The following TNFRSF10A variants were observed in gnomAD, a reference collection of about 807,000 sequenced individuals.
The protein encoded by TNFRSF10A is TNF receptor superfamily member 10a, also known as tumor necrosis factor receptor superfamily member 10A.
A neutral mutation model predicts 42.8 loss-of-function variants in TNFRSF10A; 44 were observed. That is an observed-to-expected ratio of 1.03 (90% CI 0.81 to 1.32). The LOEUF is 1.32. Ranked by LOEUF, TNFRSF10A falls within the 40% of genes most tolerant of loss-of-function variation. The pLI is 0.00. For missense variants in TNFRSF10A, 680 were observed against 602.0 expected (o/e 1.13, Z -1.36); for synonymous variants, 259 against 234.2 (o/e 1.11, Z -0.97).
intron 1 of TNFRSF10A, among the ~76,000 whole-genome samples, chr8:23,215,944 G>A (rs1427131996): frequency 6.6e-6 from 1 of 151,848 alleles, no homozygotes; most frequent in African/African-American, 2.4e-5. Context: ...TCAGCCTCCG[G>A]AGTAGCTGGG....
intron 2 of TNFRSF10A, among the ~76,000 whole-genome samples, chr8:23,206,632 T>C (rs1801016861): frequency 6.6e-6 from 1 of 152,318 alleles, no homozygotes; most frequent in African/African-American, 2.4e-5. Flanking sequence ...GATGCACTTG[T>C]CAGAATGAGT....
intron 9 of TNFRSF10A, among the ~76,000 whole-genome samples, chr8:23,193,130 C>A (rs976438023): frequency 6.6e-6 from 1 of 152,186 alleles, no homozygotes; most frequent in Non-Finnish European, 1.5e-5. Context: ...GCCTTCTTGG[C>A]AATACTCATC....
Position 23,212,191 on chromosome 8 carries a change from T to C in TNFRSF10A, c.328A>G (p.Thr110Ala), listed in dbSNP as rs188027515. 2 of 1,613,692 alleles carry C rather than the reference T, an allele frequency of 1.2e-6. No homozygotes were observed. Among genetic ancestry groups the C allele is most frequent in the African/African-American group, 1.3e-5 (1 of 75,034 alleles). Reference protein sequence around the residue: ...LLQVVPSSAATIKLHDQSIGT... With the variant: ...LLQVVPSSAAAIKLHDQSIGT... The stretch of plus-strand genomic sequence containing the variant: ...ATTGATTGATCATGAAGTTTGATGG[T>C]TGCAGCTGAGCTAGGTACGACCTGT... Residue 110 changes from threonine (T) to alanine (A), a missense_variant, in exon 2 of 10, where the codon ACC becomes GCC. Physicochemically the swap from Thr to Ala is moderately conservative, Grantham distance 58 (BLOSUM62 0). Coordinates refer to ENST00000221132, the MANE Select transcript of TNFRSF10A (RefSeq NM_003844.4).
At chr8:23,196,898 G>A (rs568688533) in intron 9 of TNFRSF10A, among the ~76,000 whole-genome samples, 9 of 152,252 alleles carry the variant, frequency 5.9e-5, no homozygotes, top group Admixed American at 4.6e-4. Context: ...AGAGGAGGTG[G>A]AGAAGAGGAT....
intron 2 of TNFRSF10A, among the ~76,000 whole-genome samples, chr8:23,208,072 T>C (rs751599297): frequency 3.9e-5 from 6 of 152,170 alleles, no homozygotes; most frequent in Non-Finnish European, 7.3e-5. Context: ...TGGAACTTCC[T>C]AGAGACTTGT....
In TNFRSF10A at chr8:23,199,434, G is replaced by C. The variant is rs1563378290; in HGVS notation, c.846C>G (p.Arg282=). The change falls in exon 8 of 10, where the codon CGC becomes CGG. Residue 282 remains arginine (R), a synonymous_variant. Coordinates refer to ENST00000221132, the MANE Select transcript of TNFRSF10A (RefSeq NM_003844.4). ...PKCMDRVCFW[R]LGLLRGPGAE... ...CCCCAGGCCCTCGTAGGAGACCCAAGCGCCAGAAACACACCTTAGGAAGGC... is the reference window on the plus strand; with the variant it reads ...CCCCAGGCCCTCGTAGGAGACCCAACCGCCAGAAACACACCTTAGGAAGGC... 1.9e-6 allele frequency: 3 copies of C among 1,612,104 alleles called. No homozygotes were observed. The highest frequency in any genetic ancestry group is 1.7e-4 in the Middle Eastern group (1 of 6,058).
chr8:23,222,193 G>T (rs1037292692), intron 1 of TNFRSF10A, among the ~76,000 whole-genome samples: 2 of 152,102 alleles, frequency 1.3e-5, no homozygotes, highest in South Asian at 4.2e-4. Flanking sequence ...TTGTATTCTT[G>T]GTGTGAGAGT....
Position 23,191,840 on chromosome 8 carries a change from G to A in TNFRSF10A, c.1261C>T (p.Arg421Trp), listed in dbSNP as rs773006381. ...AGCAGGGTGTGGATCGAGGCGTTCC[G>A]TCCAGTTTTGTTGACCCATTTCATC... ...MLMKWVNKTG[R>W]NASIHTLLDA... is the part of the protein sequence containing the mutation. The change falls in exon 10 of 10, where the codon CGG (arginine) becomes TGG (tryptophan). Residue 421 changes from arginine to tryptophan, a missense_variant. Physicochemically the swap from Arg to Trp is moderately radical, Grantham distance 101. Coordinates refer to ENST00000221132, the MANE Select transcript of TNFRSF10A (RefSeq NM_003844.4). 28 of 1,552,384 alleles carry A rather than the reference G, an allele frequency of 1.8e-5. No homozygotes were observed. Among genetic ancestry groups the A allele is most frequent in the Admixed American group, 1.7e-4 (9 of 54,228 alleles).
intron 9 of TNFRSF10A, among the ~76,000 whole-genome samples, chr8:23,193,580 T>C (rs1329751842): frequency 1.3e-5 from 2 of 152,016 alleles, no homozygotes; most frequent in Admixed American, 6.6e-5. Flanking sequence ...TGTAATTGTG[T>C]GTTGTTTCAG....
Position 23,202,681 on chromosome 8 carries a change from A to T in TNFRSF10A, c.484T>A (p.Phe162Ile), listed in dbSNP as rs1800948918. 6.2e-7 allele frequency: 1 copy of T among 1,614,016 alleles called. No individual in the cohort carries two copies. Among genetic ancestry groups the T allele is most frequent in the Admixed American group, 1.7e-5 (1 of 60,020 alleles). Residue 162 changes from phenylalanine to isoleucine, a missense_variant, in exon 3 of 10, where the codon TTT (phenylalanine) becomes ATT (isoleucine). By Grantham distance (21) the Phe-to-Ile change is conservative (BLOSUM62 0). Transcript: ENST00000221132. ...VGYTNASNNL[F>I]ACLPCTACKS... ...CAAGCTGTACATGGGAGGCAAGCAA[A>T]CAAATTGTTGGAAGCATTGGTGTAA... is the stretch of plus-strand genomic sequence containing the variant.
rs1395838206 is a variant in TNFRSF10A, at chr8:23,202,006, G to A, written c.518-87C>T. On this transcript the variant is annotated intron_variant, in intron 3 of 9. Transcript: ENST00000221132. The stretch of plus-strand genomic sequence containing the variant: ...CACCACCCCAACTCCCTCCCCCTCA[G>A]CTCAGCTCAACTCAGTTTGCCAAGG... 1.1e-5 allele frequency: 13 copies of A among 1,226,882 alleles called. No individual in the cohort carries two copies. In the African/African-American group the frequency reaches 1.9e-4, roughly 18 times the overall value. The allele number at this position is 1,226,882 out of a possible 1,614,324, so 76.0% of individuals were successfully genotyped here.
At chr8:23,210,280 C>G (rs897291195) in intron 2 of TNFRSF10A, among the ~76,000 whole-genome samples, 2 of 152,088 alleles carry the variant, frequency 1.3e-5, no homozygotes, top group African/African-American at 4.8e-5. Context: ...AATATGAAGA[C>G]CAGAAAAGGA....
chr8:23,202,853 G>C, intron 2 of TNFRSF10A, 92 bp from the exon 3 acceptor site: 1 of 817,272 alleles, frequency 1.2e-6, no homozygotes, highest in Non-Finnish European at 2.1e-6. Context: ...TTGGCCATCA[G>C]TAGACCCCAG....
At chr8:23,222,001 C>G (rs983220498) in intron 1 of TNFRSF10A, among the ~76,000 whole-genome samples, 6 of 152,008 alleles carry the variant, frequency 3.9e-5, no homozygotes, top group Admixed American at 6.6e-5. Context: ...CTCAGCCTCC[C>G]GAGTAGCTGG....
Position 23,199,919 on chromosome 8 carries a change from T to C in TNFRSF10A, c.800-2A>G, listed in dbSNP as rs763010093. ...TGCACTTGGGGTCCCCTCCACAACC[T>C]AGAAGAGAAGACGGTTCCCTTAGTG... On this transcript the variant is annotated splice_acceptor_variant, in intron 6 of 9. Coordinates refer to ENST00000221132, the MANE Select transcript of TNFRSF10A (RefSeq NM_003844.4). LOFTEE classifies it high-confidence loss of function. 3.7e-6 allele frequency: 6 copies of C among 1,613,812 alleles called. No individual in the cohort carries two copies. Among genetic ancestry groups the C allele is most frequent in the Non-Finnish European group, 4.2e-6 (5 of 1,179,964 alleles).
intron 1 of TNFRSF10A, among the ~76,000 whole-genome samples, chr8:23,217,254 T>C (rs541353166): frequency 2.0e-5 from 3 of 152,132 alleles, no homozygotes; most frequent in Non-Finnish European, 2.9e-5. Context: ...TCTTGCTCTG[T>C]TGCCAGGCTG....
In TNFRSF10A at chr8:23,197,115, A is replaced by T. The variant is rs201183086; in HGVS notation, c.1087+17T>A. 6 of 1,614,092 alleles carry T rather than the reference A, an allele frequency of 3.7e-6. No homozygotes were observed. Among genetic ancestry groups the T allele is most frequent in the Middle Eastern group, 1.6e-4 (1 of 6,062 alleles). On this transcript the variant is annotated intron_variant, in intron 9 of 9. Coordinates refer to ENST00000221132, the MANE Select transcript of TNFRSF10A (RefSeq NM_003844.4). ...TTCCCACCATTTCTGCTGCATCTCC[A>T]GGAGCAAAACACTTACTCTCAGTGG...
intron 1 of TNFRSF10A, among the ~76,000 whole-genome samples, chr8:23,213,470 C>G (rs1801122589): frequency 1.9e-5 from 1 of 53,272 alleles, no homozygotes. Context: ...TTTTTTGAGA[C>G]AGAGTCTCGC....
At chr8:23,224,710 G>A (rs774520135) in intron 1 of TNFRSF10A, 46 bp downstream of exon 1, 17 of 1,532,854 alleles carry the variant, frequency 1.1e-5, no homozygotes, top group Non-Finnish European at 1.5e-5. Flanking sequence ...CCCCCTCCCG[G>A]TGCCAGGCGC....
Sources: allele counts gnomAD v4.1 joint callset (sites outside exome capture counted in the v4.1 genomes callset), GRCh38; gene constraint gnomAD v4.1.1; transcripts MANE v1.5; gene names NCBI Gene and HGNC (gene_info 2026-07-23, HGNC 2026-07-21).